WDR49: variants seen among roughly 807,000 people sequenced by gnomAD.
The protein encoded by WDR49 is WD repeat domain 49, also known as cilia- and flagella-associated protein 337.
Under a neutral mutation model 119.5 loss-of-function variants are expected in WDR49, and 107 were observed. The observed-to-expected ratio is 0.90, with a 90% CI of 0.77 to 1.05. The LOEUF (loss-of-function observed/expected upper bound fraction) is 1.05, where lower values mean the gene tolerates loss of function less well. Ranked by LOEUF, WDR49 falls within the 50% of genes least tolerant of loss-of-function variation. WDR49 has a pLI of 0.00. For missense variants in WDR49, 1,240 were observed against 1,220.5 expected (o/e 1.02, Z -0.24); for synonymous variants, 425 against 418.8 (o/e 1.01, Z -0.18).
intron 6 of WDR49, among the ~76,000 whole-genome samples, 163 bp downstream of exon 6, chr3:167,604,138 C>G (rs1715917780): frequency 6.6e-6 from 1 of 152,138 alleles, no homozygotes; most frequent in African/African-American, 2.4e-5. Context: ...CACTGCACAT[C>G]ATAATGCATC....
At chr3:167,630,331 T>A (rs1577289341) in intron 2 of WDR49, among the ~76,000 whole-genome samples, 1 of 152,264 alleles carries the variant, frequency 6.6e-6, no homozygotes, top group East Asian at 1.9e-4. Flanking sequence ...TATTTTTTAA[T>A]TAAGATATGT....
chr3:167,595,667 T>C (rs1470301158), intron 7 of WDR49, among the ~76,000 whole-genome samples: 2 of 152,200 alleles, frequency 1.3e-5, no homozygotes, highest in Non-Finnish European at 2.9e-5. Flanking sequence ...GCTAGCCATA[T>C]GTAGAAAGCT....
At chr3:167,652,728 T>G (rs1274993277) in intron 2 of WDR49, among the ~76,000 whole-genome samples, 1 of 152,328 alleles carries the variant, frequency 6.6e-6, no homozygotes, top group South Asian at 2.1e-4. Flanking sequence ...ATTTACAAAA[T>G]GAGTGGGAGA....
intron 18 of WDR49, among the ~76,000 whole-genome samples, chr3:167,486,225 G>T (rs1379052417): frequency 6.6e-6 from 1 of 151,998 alleles, no homozygotes; most frequent in East Asian, 1.9e-4. Flanking sequence ...AATGTGATCA[G>T]CCGTAATTAC....
chr3:167,538,024 TTC>T (rs1711567048), intron 10 of WDR49, among the ~76,000 whole-genome samples: 1 of 152,062 alleles, frequency 6.6e-6, no homozygotes, highest in Non-Finnish European at 1.5e-5. Flanking sequence ...ATTCCCTTCT[TTC>T]TCTCACCCTT....
At chr3:167,483,244 T>C (rs1241985737) in intron 18 of WDR49, among the ~76,000 whole-genome samples, 1 of 152,236 alleles carries the variant, frequency 6.6e-6, no homozygotes, top group Non-Finnish European at 1.5e-5. Flanking sequence ...TCCTGTCCCA[T>C]ATGACTGCAG....
At chr3:167,563,267 G>T (rs58493973) in intron 8 of WDR49, among the ~76,000 whole-genome samples, 34,053 of 150,818 alleles carry the variant, frequency 0.23, 6,930 homozygotes, top group African/African-American at 0.55. Context: ...GGCAGGAGAA[G>T]GGCGTGAACC....
At chr3:167,609,317 C>T (rs1716223387) in intron 5 of WDR49, among the ~76,000 whole-genome samples, 1 of 152,146 alleles carries the variant, frequency 6.6e-6, no homozygotes, top group African/African-American at 2.4e-5. Flanking sequence ...AAAAACAGTA[C>T]TGAATCACCA....
intron 5 of WDR49, among the ~76,000 whole-genome samples, chr3:167,614,039 A>T (rs1716479361): frequency 6.6e-6 from 1 of 152,098 alleles, no homozygotes; most frequent in Admixed American, 6.5e-5. Flanking sequence ...TTTCAACGCA[A>T]TAAAATATCA....
intron 18 of WDR49, among the ~76,000 whole-genome samples, chr3:167,484,160 T>C (rs1370776973): frequency 6.6e-6 from 1 of 152,168 alleles, no homozygotes; most frequent in Non-Finnish European, 1.5e-5. Context: ...AATATTAATA[T>C]AAGTGTTGCT....
intron 16 of WDR49, 90 bp from the exon 17 acceptor site, chr3:167,505,506 A>T: frequency 7.5e-7 from 1 of 1,340,338 alleles, no homozygotes; most frequent in Non-Finnish European, 9.6e-7. Context: ...ACCAAAAAAA[A>T]CAAAAACAAA....
chr3:167,518,195 C>T (rs1340540467), intron 16 of WDR49, among the ~76,000 whole-genome samples: 3 of 151,736 alleles, frequency 2.0e-5, no homozygotes, highest in Non-Finnish European at 2.9e-5. Context: ...AATAAACATA[C>T]GTGTGCATGT....
intron 10 of WDR49, among the ~76,000 whole-genome samples, chr3:167,537,838 A>G (rs1200984230): frequency 6.6e-6 from 1 of 152,044 alleles, no homozygotes; most frequent in Admixed American, 6.6e-5. Flanking sequence ...ATTTGCAACC[A>G]AAGTTATGGG....
chr3:167,608,374 C>T (rs1380188438), intron 5 of WDR49, among the ~76,000 whole-genome samples: 1 of 152,180 alleles, frequency 6.6e-6, no homozygotes, highest in South Asian at 2.1e-4. Context: ...CCATTATACC[C>T]AACTATCATC....
chr3:167,650,518 G>T (rs1269245514), intron 2 of WDR49, among the ~76,000 whole-genome samples: 1 of 152,118 alleles, frequency 6.6e-6, no homozygotes, highest in Non-Finnish European at 1.5e-5. Flanking sequence ...GAATCAAGAC[G>T]TCAATTAGAA....
intron 7 of WDR49, among the ~76,000 whole-genome samples, chr3:167,587,269 G>A (rs905488312): frequency 6.6e-6 from 1 of 152,016 alleles, no homozygotes; most frequent in Admixed American, 6.6e-5. Context: ...TTCAATAATG[G>A]AAATGAAACA....
intron 2 of WDR49, chr3:167,633,586 T>A: frequency 2.3e-6 from 1 of 431,436 alleles, no homozygotes; most frequent in South Asian, 1.7e-5. Context: ...AACCTTTCAA[T>A]CTAAAAAATG....
At chr3:167,563,061 T>C (rs1577242001) in intron 8 of WDR49, among the ~76,000 whole-genome samples, 1 of 152,274 alleles carries the variant, frequency 6.6e-6, no homozygotes, top group East Asian at 1.9e-4. Context: ...TGTAGACAAT[T>C]AAATTTTAGA....
intron 18 of WDR49, among the ~76,000 whole-genome samples, chr3:167,492,284 G>A (rs537151663): frequency 6.6e-6 from 1 of 152,052 alleles, no homozygotes; most frequent in South Asian, 2.1e-4. Flanking sequence ...AGAAATAAGA[G>A]CAAGAATAAG....
Sources: gnomAD v4.1 joint callset for allele counts (sites outside exome capture counted in the v4.1 genomes callset) on GRCh38, gnomAD v4.1.1 for gene constraint, MANE v1.5 for transcripts, NCBI Gene and HGNC (gene_info 2026-07-23, HGNC 2026-07-21) for gene names.